Variants in PALM2AKAP2 observed in about 807,000 individuals in gnomAD.
PALM2AKAP2 encodes the protein PALM2 and AKAP2 fusion.
In PALM2AKAP2, 37 loss-of-function variants were observed where a neutral mutation model predicts 71.5. That is an observed-to-expected ratio of 0.52 (90% CI 0.40 to 0.68). The LOEUF is 0.68. PALM2AKAP2 is among the 30% of genes least tolerant of loss of function. PALM2AKAP2 has a pLI of 0.00. For synonymous variants in PALM2AKAP2, 468 were observed against 478.8 expected (o/e 0.98, Z 0.29); for missense variants, 1,224 against 1,191.8 (o/e 1.03, Z -0.40).
intron 1 of PALM2AKAP2, among the ~76,000 whole-genome samples, chr9:109,856,009 G>A (rs554248266): frequency 6.6e-6 from 1 of 152,040 alleles, no homozygotes. Flanking sequence ...AACCCCCTTG[G>A]GCCCTAAAGA....
At chr9:109,988,640 GAGGAAGGAAGGAAA>G (rs1832421426) in intron 6 of PALM2AKAP2, among the ~76,000 whole-genome samples, 1 of 147,248 alleles carries the variant, frequency 6.8e-6, no homozygotes, top group Non-Finnish European at 1.5e-5. Context: ...GGGAGGGAAG[GAGGAAGGAAGGAAA>G]AGAAGGGAAG....
intron 1 of PALM2AKAP2, among the ~76,000 whole-genome samples, chr9:109,754,230 C>A (rs1828925382): frequency 6.6e-6 from 1 of 152,154 alleles, no homozygotes; most frequent in African/African-American, 2.4e-5. Flanking sequence ...AGTTAAGCTA[C>A]TTCTCTAAGA....
At chr9:109,811,111 C>T (rs895175776) in intron 1 of PALM2AKAP2, among the ~76,000 whole-genome samples, 2 of 152,184 alleles carry the variant, frequency 1.3e-5, no homozygotes, top group African/African-American at 2.4e-5. Context: ...ATACCTCCAA[C>T]GGCTCCCCTG....
chr9:109,749,785 A>T (rs1828858320), intron 1 of PALM2AKAP2, among the ~76,000 whole-genome samples: 1 of 152,228 alleles, frequency 6.6e-6, no homozygotes, highest in African/African-American at 2.4e-5. Flanking sequence ...TGTGAGAAGG[A>T]TGTGGGAATT....
At chr9:109,690,729 G>A (rs1827869829) in intron 1 of PALM2AKAP2, among the ~76,000 whole-genome samples, 1 of 152,150 alleles carries the variant, frequency 6.6e-6, no homozygotes, top group South Asian at 2.1e-4. Context: ...TAGCTTACAA[G>A]TATGTAAATT....
chr9:109,805,422 A>T (rs931062049), intron 1 of PALM2AKAP2, among the ~76,000 whole-genome samples: 2 of 148,284 alleles, frequency 1.3e-5, no homozygotes, highest in African/African-American at 4.9e-5. Context: ...TGTGTCAAAG[A>T]GCAGTTGATT....
chr9:109,940,089 A>G (rs1452322641), intron 6 of PALM2AKAP2, among the ~76,000 whole-genome samples: 1 of 152,214 alleles, frequency 6.6e-6, no homozygotes, highest in African/African-American at 2.4e-5. Context: ...TACAACAACC[A>G]TATTAGACTC....
intron 1 of PALM2AKAP2, among the ~76,000 whole-genome samples, chr9:110,079,001 C>T (rs1201982308): frequency 6.6e-6 from 1 of 152,178 alleles, no homozygotes; most frequent in East Asian, 1.9e-4. Flanking sequence ...CGCCCTGGGC[C>T]GTTCAACCTT....
At chr9:110,032,731 TAAATAAATA>T (rs1281445458) in intron 7 of PALM2AKAP2, among the ~76,000 whole-genome samples, 15 of 115,570 alleles carry the variant, frequency 1.3e-4, no homozygotes, top group African/African-American at 4.9e-4. Flanking sequence ...AATAAATAAA[TAAATAAATA>T]AAATAAAAAA....
intron 6 of PALM2AKAP2, among the ~76,000 whole-genome samples, chr9:109,972,398 C>A (rs1832085049): frequency 6.6e-6 from 1 of 152,182 alleles, no homozygotes; most frequent in Non-Finnish European, 1.5e-5. Context: ...AGGACTGTGC[C>A]AGCTTAGGGT....
chr9:109,794,333 C>T (rs573906314), intron 1 of PALM2AKAP2, among the ~76,000 whole-genome samples: 1 of 151,054 alleles, frequency 6.6e-6, no homozygotes, highest in South Asian at 2.1e-4. Context: ...TAAGTCCATA[C>T]AATTAAAAAC....
At chr9:109,765,184 C>T (rs1474885698) in intron 1 of PALM2AKAP2, among the ~76,000 whole-genome samples, 1 of 152,214 alleles carries the variant, frequency 6.6e-6, no homozygotes, top group Non-Finnish European at 1.5e-5. Context: ...GACACCTAAG[C>T]TCCACCCCCA....
chr9:109,884,699 G>A (rs1287053536), intron 3 of PALM2AKAP2, among the ~76,000 whole-genome samples: 5 of 152,054 alleles, frequency 3.3e-5, no homozygotes, highest in Non-Finnish European at 5.9e-5. Flanking sequence ...TTAGATTTGG[G>A]CCCCCTAGTC....
At chr9:109,772,354 C>T (rs1171201183) in intron 1 of PALM2AKAP2, among the ~76,000 whole-genome samples, 1 of 152,142 alleles carries the variant, frequency 6.6e-6, no homozygotes, top group Non-Finnish European at 1.5e-5. Flanking sequence ...GTTCTTTTTC[C>T]ACCCCCACCT....
chr9:109,903,268 G>A (rs1178789525), intron 3 of PALM2AKAP2, among the ~76,000 whole-genome samples: 1 of 152,044 alleles, frequency 6.6e-6, no homozygotes, highest in Non-Finnish European at 1.5e-5. Context: ...TCAGCACCGA[G>A]ACTGGCCTTT....
chr9:110,135,189 A>AT (rs1835831604), intron 1 of PALM2AKAP2, among the ~76,000 whole-genome samples: 2 of 113,348 alleles, frequency 1.8e-5, no homozygotes, highest in Non-Finnish European at 3.7e-5. Flanking sequence ...ATATATATAT[A>AT]AATCAGCCAG....
At chr9:110,051,880 A>C (rs898250246) in intron 1 of PALM2AKAP2, among the ~76,000 whole-genome samples, 21 of 151,512 alleles carry the variant, frequency 1.4e-4, no homozygotes, top group African/African-American at 5.1e-4. Flanking sequence ...CAACAATTTC[A>C]GTAAGTTTGG....
At chr9:109,787,142 C>T (rs1587911082) in intron 1 of PALM2AKAP2, among the ~76,000 whole-genome samples, 1 of 152,246 alleles carries the variant, frequency 6.6e-6, no homozygotes. Flanking sequence ...GAAGACCTGG[C>T]GCAAGTCCTG....
intron 6 of PALM2AKAP2, among the ~76,000 whole-genome samples, chr9:109,999,208 G>A (rs1442745386): frequency 6.6e-6 from 1 of 151,942 alleles, no homozygotes; most frequent in Non-Finnish European, 1.5e-5. Flanking sequence ...GCTTGGTGGC[G>A]TGCACTTGTA....
Sources: gnomAD v4.1 joint callset for allele counts (sites outside exome capture counted in the v4.1 genomes callset) on GRCh38, gnomAD v4.1.1 for gene constraint, MANE v1.5 for transcripts, NCBI Gene and HGNC (gene_info 2026-07-23, HGNC 2026-07-21) for gene names.